Variants in ABCD3 observed in about 807,000 individuals in gnomAD.
The protein encoded by ABCD3 is ATP binding cassette subfamily D member 3.
A neutral mutation model predicts 105.5 loss-of-function variants in ABCD3; 41 were observed. The observed-to-expected ratio is 0.39, with a 90% CI of 0.30 to 0.50. ABCD3 has a LOEUF of 0.50. Ranked by LOEUF, ABCD3 falls within the 20% of genes least tolerant of loss-of-function variation. The pLI, the probability that ABCD3 is intolerant of heterozygous loss-of-function variation, is 0.84. For missense variants in ABCD3, 622 were observed against 806.3 expected, an observed-to-expected ratio of 0.77 and a Z score of 2.77; for synonymous variants, 258 against 269.0, an observed-to-expected ratio of 0.96 and a Z score of 0.40.
Position 94,498,846 on chromosome 1 carries a change from C to T in ABCD3, c.1528C>T (p.Gln510Ter). Residue 510 changes from glutamine to a stop codon, truncating the protein, a stop_gained and splice_region_variant, in exon 18 of 23, where the codon CAG becomes TAG. Coordinates refer to ENST00000370214, the MANE Select transcript of ABCD3 (RefSeq NM_002858.4). LOFTEE classifies it high-confidence loss of function. ...PERGKLFYVP[Q>*]RPYMTLGTLR... is the part of the protein sequence containing the mutation. The stretch of plus-strand genomic sequence containing the variant: ...AAGAGGAAAATTATTTTATGTTCCT[C>T]AGGTAAGACCTAGCTTGAGTTATCT... The T allele has an allele frequency of 1.9e-6, 3 of 1,613,504 alleles. No individual in the cohort carries two copies. The highest frequency in any genetic ancestry group is 2.5e-6 in the Non-Finnish European group (3 of 1,179,578).
intron 16 of ABCD3, among the ~76,000 whole-genome samples, chr1:94,496,985 C>T (rs938460696): frequency 6.6e-6 from 1 of 151,818 alleles, no homozygotes; most frequent in African/African-American, 2.4e-5. Context: ...CCAGGCTGTA[C>T]CAGCTTTTTA....
chr1:94,495,850 G>A (rs1362416238), intron 16 of ABCD3, among the ~76,000 whole-genome samples: 1 of 152,190 alleles, frequency 6.6e-6, no homozygotes, highest in Non-Finnish European at 1.5e-5. Flanking sequence ...CGCTGTTACA[G>A]TAGAGTATGA....
At chr1:94,499,650 A>G (rs201175593) in intron 20 of ABCD3, 36 bp downstream of exon 20, 63 of 1,611,726 alleles carry the variant, frequency 3.9e-5, no homozygotes, top group Middle Eastern at 3.3e-4. Flanking sequence ...CAAGAATGCA[A>G]CTGGTTCCAG....
chr1:94,446,379 A>G (rs1020808824), intron 1 of ABCD3, among the ~76,000 whole-genome samples: 2 of 152,236 alleles, frequency 1.3e-5, no homozygotes, highest in Non-Finnish European at 2.9e-5. Flanking sequence ...AGCGGGGACA[A>G]TAGGATTACT....
chr1:94,474,920 T>C (rs1280538428), intron 5 of ABCD3, among the ~76,000 whole-genome samples: 2 of 152,086 alleles, frequency 1.3e-5, no homozygotes, highest in Non-Finnish European at 2.9e-5. Context: ...GCGTAATTAG[T>C]GATATTAACA....
the ABCD3 span, among the ~76,000 whole-genome samples, chr1:94,385,301 T>A: frequency 2.6e-5 from 4 of 152,034 alleles, no homozygotes; most frequent in Non-Finnish European, 5.9e-5. Flanking sequence ...CTAGAAAGTG[T>A]CCTGAGCAAA....
intron 1 of ABCD3, among the ~76,000 whole-genome samples, chr1:94,421,992 T>A (rs1659276053): frequency 6.6e-6 from 1 of 152,204 alleles, no homozygotes; most frequent in Admixed American, 6.5e-5. Flanking sequence ...GTATTCATGG[T>A]GTGGTCCTTC....
chr1:94,490,059 A>G, intron 15 of ABCD3, 84 bp downstream of exon 15: 1 of 1,282,766 alleles, frequency 7.8e-7, no homozygotes, highest in Admixed American at 1.8e-5. Context: ...ACAATTGCTT[A>G]GTGTTTAAAA....
Position 94,494,908 on chromosome 1 carries a change from G to A in ABCD3, c.1386+3661G>A, listed in dbSNP as rs952521411. Among the ~76,000 whole-genome samples the A allele has an allele frequency of 5.9e-5, 9 of 152,070 alleles. No individual in the cohort carries two copies. The South Asian group carries it at 6.2e-4, about 11-fold the overall frequency. On this transcript the variant is annotated intron_variant, in intron 16 of 22. Transcript: ENST00000370214. Reference sequence around the variant, plus strand: ...AGCCTGGGCAACATGGCAAAACCCCGTCTCTGTGAAAAATACAAAAAAATT... The same window carrying A: ...AGCCTGGGCAACATGGCAAAACCCCATCTCTGTGAAAAATACAAAAAAATT...
intron 1 of ABCD3, among the ~76,000 whole-genome samples, chr1:94,430,491 T>G (rs770366493): frequency 6.6e-6 from 1 of 152,196 alleles, no homozygotes; most frequent in Non-Finnish European, 1.5e-5. Flanking sequence ...AGGTCTTTCC[T>G]GTGCTGTTCT....
intron 1 of ABCD3, among the ~76,000 whole-genome samples, chr1:94,428,399 T>C (rs1430705656): frequency 1.3e-5 from 2 of 152,028 alleles, no homozygotes; most frequent in Non-Finnish European, 2.9e-5. Context: ...CTGTGTAGAA[T>C]GAGGCAACTG....
chr1:94,449,822 G>A (rs940374889), intron 1 of ABCD3, among the ~76,000 whole-genome samples: 1 of 152,206 alleles, frequency 6.6e-6, no homozygotes, highest in African/African-American at 2.4e-5. Flanking sequence ...GGTAGAAATG[G>A]TAAGAAGTAT....
At chr1:94,477,649 A>AC (rs1648828857) in intron 7 of ABCD3, among the ~76,000 whole-genome samples, 1 of 151,514 alleles carries the variant, frequency 6.6e-6, no homozygotes, top group Non-Finnish European at 1.5e-5. Context: ...TTCTTGAAAA[A>AC]CATTTCAAAC....
At chr1:94,404,678 T>C in the ABCD3 span, among the ~76,000 whole-genome samples, 22 of 146,664 alleles carry the variant, frequency 1.5e-4, no homozygotes, top group African/African-American at 5.5e-4. Context: ...ACAAATTTCA[T>C]TGTTATCTGA....
chr1:94,432,153 A>G (rs1659707351), intron 1 of ABCD3, among the ~76,000 whole-genome samples: 1 of 152,224 alleles, frequency 6.6e-6, no homozygotes, highest in Non-Finnish European at 1.5e-5. Context: ...TGAGCGCTAT[A>G]TGTCAATAGG....
At position 94,483,100 on chromosome 1, in the gene ABCD3, T is replaced by C. The variant is rs529387018; in HGVS notation, c.828-70T>C. On this transcript the variant is annotated intron_variant, in intron 9 of 22. Transcript: ENST00000370214. ...TAAATACAAACATTCAGCCATCATA[T>C]ACTGTATTTCAATTATTTTCCAAGC... is the stretch of plus-strand genomic sequence containing the variant. 474 of 989,098 alleles carry C rather than the reference T, an allele frequency of 4.8e-4. 3 individuals carry two copies. In the Middle Eastern group the frequency reaches 0.013, roughly 27 times the overall value. The allele number at this position is 989,098 out of a possible 1,614,324, so 61.3% of individuals were successfully genotyped here.
At chr1:94,447,687 T>C (rs2100930644) in intron 1 of ABCD3, among the ~76,000 whole-genome samples, 1 of 152,300 alleles carries the variant, frequency 6.6e-6, no homozygotes, top group Admixed American at 6.5e-5. Context: ...ATTACCCCAA[T>C]GTTATGATCA....
intron 1 of ABCD3, among the ~76,000 whole-genome samples, chr1:94,445,000 T>A (rs761983061): frequency 6.6e-6 from 1 of 152,232 alleles, no homozygotes; most frequent in Admixed American, 6.5e-5. Context: ...GCATGAGCAA[T>A]CTGTGCCTTA....
At chr1:94,508,856 A>T (rs1297324738) in intron 21 of ABCD3, among the ~76,000 whole-genome samples, 6 of 152,200 alleles carry the variant, frequency 3.9e-5, no homozygotes, top group African/African-American at 1.4e-4. Context: ...ACTTTGCTGA[A>T]GTTGCTTATC....
Sources: allele counts gnomAD v4.1 joint callset (sites outside exome capture counted in the v4.1 genomes callset), GRCh38; gene constraint gnomAD v4.1.1; transcripts MANE v1.5; gene names NCBI Gene and HGNC (gene_info 2026-07-23, HGNC 2026-07-21).